Variants in KIAA1217 observed in about 807,000 individuals in gnomAD.
The protein encoded by KIAA1217 is KIAA1217, also known as sickle tail protein homolog.
A neutral mutation model predicts 163.9 loss-of-function variants in KIAA1217; 88 were observed. The observed-to-expected ratio is 0.54, with a 90% CI of 0.45 to 0.64. KIAA1217 has a LOEUF of 0.64. Ranked by LOEUF, KIAA1217 falls within the 30% of genes least tolerant of loss-of-function variation. KIAA1217 has a pLI of 0.00. For synonymous variants in KIAA1217, 903 were observed against 923.1 expected (o/e 0.98, Z 0.39); for missense variants, 2,372 against 2,475.0 (o/e 0.96, Z 0.88).
At chr10:23,857,212 A>G (rs1399035663) in intron 1 of KIAA1217, among the ~76,000 whole-genome samples, 2 of 152,196 alleles carry the variant, frequency 1.3e-5, no homozygotes, top group African/African-American at 2.4e-5. Context: ...AATCCAAACC[A>G]TATCACTCCC....
intron 3 of KIAA1217, among the ~76,000 whole-genome samples, chr10:24,403,098 A>G (rs1314315129): frequency 6.6e-6 from 1 of 152,216 alleles, no homozygotes; most frequent in African/African-American, 2.4e-5. Flanking sequence ...ATGGAAAACC[A>G]TACAACTTTT....
rs185556241 is a variant in KIAA1217 at position 24,096,637 on chromosome 10, C to A, written c.-171+89263C>A. On this transcript the variant is annotated intron_variant, in intron 2 of 18. Coordinates refer to the KIAA1217 transcript ENST00000376462. ...CTTCCCCATCTCCCTCTGTCTCCTT[C>A]CAGACCTGCAGCAAATTTTTTTTAC... Among the ~76,000 whole-genome samples the A allele has an allele frequency of 4.7e-3, 713 of 152,256 alleles. 5 individuals are homozygous for A. Among genetic ancestry groups the A allele is most frequent in the Non-Finnish European group, 5.9e-3 (400 of 68,030 alleles).
rs368599797 is a variant in KIAA1217, at chr10:24,273,270, G to A, written c.354+53361G>A. 1.3e-4 allele frequency among the ~76,000 whole-genome samples: 20 copies of A among 152,306 alleles called. 1 individual carries two copies. Among genetic ancestry groups the A allele is most frequent in the Admixed American group, 1.0e-3 (16 of 15,302 alleles). On this transcript the variant is annotated intron_variant, in intron 2 of 20. Transcript: ENST00000376454. ...TCTTATTAACATTTGCAAAGTGTGAGCAGAGAAGAGCATTTGAACAATAAG... is the reference window on the plus strand; with the variant it reads ...TCTTATTAACATTTGCAAAGTGTGAACAGAGAAGAGCATTTGAACAATAAG...
At chr10:24,270,025 G>A (rs2076622803) in intron 2 of KIAA1217, among the ~76,000 whole-genome samples, 1 of 152,198 alleles carries the variant, frequency 6.6e-6, no homozygotes, top group East Asian at 1.9e-4. Flanking sequence ...CACAGGAGTG[G>A]GCAGTAAGCG....
At chr10:24,354,231 G>T (rs535478490) in intron 2 of KIAA1217, among the ~76,000 whole-genome samples, 1 of 152,210 alleles carries the variant, frequency 6.6e-6, no homozygotes, top group Admixed American at 6.5e-5. Flanking sequence ...GTCCAGAATA[G>T]TATTTGTGAA....
intron 2 of KIAA1217, among the ~76,000 whole-genome samples, chr10:24,354,995 C>G (rs1208049123): frequency 6.6e-6 from 1 of 152,206 alleles, no homozygotes; most frequent in East Asian, 1.9e-4. Context: ...ATTTTTCTCC[C>G]AGTAAAGCTT....
chr10:23,968,627 A>G (rs1845172690), intron 1 of KIAA1217, among the ~76,000 whole-genome samples: 1 of 152,142 alleles, frequency 6.6e-6, no homozygotes. Flanking sequence ...GTTACTTCCC[A>G]TTACCACCCA....
At chr10:23,836,554 T>C (rs1838462014) in intron 1 of KIAA1217, among the ~76,000 whole-genome samples, 1 of 150,036 alleles carries the variant, frequency 6.7e-6, no homozygotes, top group African/African-American at 2.5e-5. Flanking sequence ...ATGTAAGAGG[T>C]ACAAATGCAA....
chr10:24,332,227 T>C (rs1225609337), intron 2 of KIAA1217, among the ~76,000 whole-genome samples: 1 of 152,214 alleles, frequency 6.6e-6, no homozygotes, highest in Non-Finnish European at 1.5e-5. Flanking sequence ...AAAAGGCCGT[T>C]ATAGCAGACT....
chr10:24,281,350 C>T lies in KIAA1217; in HGVS notation c.354+61441C>T, dbSNP rs180999919. On this transcript the variant is annotated intron_variant, in intron 2 of 20. Transcript: ENST00000376454. ...AATTACAAGATCAGAATTGTTAACC[C>T]ATGCCCTGTGGGAAAGAACTTTATC... Among the ~76,000 whole-genome samples the T allele has an allele frequency of 9.9e-5, 15 of 152,264 alleles. No individual in the cohort carries two copies. In the East Asian group the frequency reaches 2.9e-3, roughly 29 times the overall value.
At chr10:23,980,216 ACT>A (rs1200199134) in intron 1 of KIAA1217, among the ~76,000 whole-genome samples, 4 of 152,144 alleles carry the variant, frequency 2.6e-5, no homozygotes, top group African/African-American at 9.6e-5. Context: ...AGAATGGGAC[ACT>A]CTCAAACATG....
At chr10:24,280,448 A>C (rs2077778428) in intron 2 of KIAA1217, among the ~76,000 whole-genome samples, 1 of 152,264 alleles carries the variant, frequency 6.6e-6, no homozygotes, top group Non-Finnish European at 1.5e-5. Context: ...TTTCAGCACT[A>C]ATTTGAATAT....
chr10:23,973,499 G>A (rs1418596130), intron 1 of KIAA1217, among the ~76,000 whole-genome samples: 1 of 152,196 alleles, frequency 6.6e-6, no homozygotes, highest in African/African-American at 2.4e-5. Context: ...GTTCATTCCT[G>A]AAGTGGTTCC....
At chr10:24,489,045 T>G (rs557169373) in intron 6 of KIAA1217, among the ~76,000 whole-genome samples, 4 of 151,918 alleles carry the variant, frequency 2.6e-5, no homozygotes, top group African/African-American at 7.3e-5. Context: ...GGGAGAGAGA[T>G]GACAGGGAAT....
intron 2 of KIAA1217, among the ~76,000 whole-genome samples, chr10:24,299,080 C>T (rs2040977446): frequency 6.6e-6 from 1 of 152,096 alleles, no homozygotes; most frequent in Non-Finnish European, 1.5e-5. Context: ...AAAAATGTTA[C>T]AAATTGTAAA....
intron 2 of KIAA1217, among the ~76,000 whole-genome samples, chr10:24,040,943 A>G (rs969528702): frequency 3.9e-5 from 6 of 152,218 alleles, no homozygotes; most frequent in African/African-American, 1.4e-4. Flanking sequence ...CGACTTTAAT[A>G]ACGAAAAGCC....
intron 2 of KIAA1217, among the ~76,000 whole-genome samples, chr10:24,015,471 T>G (rs1847432458): frequency 6.6e-6 from 1 of 151,954 alleles, no homozygotes; most frequent in Non-Finnish European, 1.5e-5. Flanking sequence ...AATAGCAACA[T>G]AAGGCCAGGC....
chr10:24,467,168 GT>G (rs2063043922), intron 5 of KIAA1217, among the ~76,000 whole-genome samples: 1 of 152,114 alleles, frequency 6.6e-6, no homozygotes, highest in South Asian at 2.1e-4. Context: ...ATAGCTACAT[GT>G]AAGAATTTCT....
intron 2 of KIAA1217, among the ~76,000 whole-genome samples, chr10:24,188,504 C>T (rs1037303993): frequency 1.3e-5 from 2 of 152,168 alleles, no homozygotes; most frequent in Non-Finnish European, 2.9e-5. Flanking sequence ...GAGGTACACA[C>T]CTGATTCAGT....
Sources: gnomAD v4.1 joint callset for allele counts (sites outside exome capture counted in the v4.1 genomes callset) on GRCh38, gnomAD v4.1.1 for gene constraint, MANE v1.5 for transcripts, NCBI Gene and HGNC (gene_info 2026-07-23, HGNC 2026-07-21) for gene names.